Variants in ZFP64 observed in about 807,000 individuals in gnomAD.
ZFP64 encodes zinc finger protein 64.
In ZFP64, 14 loss-of-function variants were observed where a neutral mutation model predicts 51.6. That is an observed-to-expected ratio of 0.27 (90% confidence interval 0.18 to 0.42). The LOEUF is 0.42. ZFP64 is among the 10% of genes least tolerant of loss of function. The probability of loss-of-function intolerance (pLI) is 1.00; values close to 1 mark genes in which losing one functional copy is unlikely to be tolerated. For missense variants in ZFP64, 754 were observed against 906.8 expected (o/e 0.83, Z 2.16); for synonymous variants, 375 against 361.4 (o/e 1.04, Z -0.43).
chr20:52,174,124 G>C (rs1600803227), intron 2 of ZFP64, among the ~76,000 whole-genome samples: 1 of 152,252 alleles, frequency 6.6e-6, no homozygotes, highest in East Asian at 1.9e-4. Context: ...CAGGTGAAGG[G>C]GAGGAGCTCA....
At chr20:52,089,510 G>A (rs1206836448) in intron 7 of ZFP64, among the ~76,000 whole-genome samples, 2 of 152,120 alleles carry the variant, frequency 1.3e-5, no homozygotes, top group Non-Finnish European at 2.9e-5. Flanking sequence ...GGGGGCTGAG[G>A]TGGGTGGATC....
intron 2 of ZFP64, among the ~76,000 whole-genome samples, chr20:52,175,601 G>A (rs1600806306): frequency 6.6e-6 from 1 of 152,282 alleles, no homozygotes; most frequent in East Asian, 1.9e-4. Flanking sequence ...TCCCAGCACT[G>A]TGGGAGCCCG....
chr20:52,090,639 A>C (rs2078914184), intron 7 of ZFP64, among the ~76,000 whole-genome samples: 2 of 151,980 alleles, frequency 1.3e-5, no homozygotes, highest in Admixed American at 6.6e-5. Context: ...TCTCTACTAA[A>C]AATACAAAAA....
At chr20:52,106,349 A>C (rs1355401493) in intron 5 of ZFP64, among the ~76,000 whole-genome samples, 1 of 152,190 alleles carries the variant, frequency 6.6e-6, no homozygotes, top group Non-Finnish European at 1.5e-5. Flanking sequence ...GAGTTACTTA[A>C]GACTGGGTTG....
chr20:52,190,352 A>G (rs1384881920), intron 1 of ZFP64, among the ~76,000 whole-genome samples: 2 of 152,238 alleles, frequency 1.3e-5, no homozygotes, highest in Non-Finnish European at 2.9e-5. Context: ...TGCAAAAGTA[A>G]CGACATAGAC....
At chr20:52,127,050 C>T (rs1360842074) in intron 5 of ZFP64, among the ~76,000 whole-genome samples, 1 of 151,692 alleles carries the variant, frequency 6.6e-6, no homozygotes, top group East Asian at 1.9e-4. Context: ...TTCCCAGGTT[C>T]AAGCAATTCT....
chr20:52,167,020 A>G (rs925297691), intron 2 of ZFP64, among the ~76,000 whole-genome samples: 2 of 152,042 alleles, frequency 1.3e-5, no homozygotes, highest in Non-Finnish European at 2.9e-5. Flanking sequence ...CAAAACACAG[A>G]CTAAATATAA....
At chr20:52,125,621 C>T (rs1196620431) in intron 5 of ZFP64, among the ~76,000 whole-genome samples, 2 of 152,200 alleles carry the variant, frequency 1.3e-5, no homozygotes, top group Admixed American at 6.5e-5. Flanking sequence ...GGTTGTCCAG[C>T]TCCTAGGGCA....
intron 5 of ZFP64, among the ~76,000 whole-genome samples, chr20:52,107,196 TG>T (rs946221299): frequency 8.5e-5 from 13 of 152,088 alleles, no homozygotes; most frequent in Admixed American, 2.6e-4. Flanking sequence ...GAGGGGTGCA[TG>T]GGGGGATGGG....
chr20:52,189,956 G>A (rs1213312830), intron 1 of ZFP64, among the ~76,000 whole-genome samples: 1 of 152,084 alleles, frequency 6.6e-6, no homozygotes, highest in Non-Finnish European at 1.5e-5. Flanking sequence ...CTACCTTTGT[G>A]CATATATGGT....
At chr20:52,156,310 G>C (rs1479349013) in intron 5 of ZFP64, among the ~76,000 whole-genome samples, 1 of 152,202 alleles carries the variant, frequency 6.6e-6, no homozygotes, top group Admixed American at 6.5e-5. Flanking sequence ...CAACCATGTC[G>C]TTGGGTTTGG....
intron 5 of ZFP64, among the ~76,000 whole-genome samples, chr20:52,122,302 C>G (rs370148900): frequency 6.6e-6 from 1 of 152,018 alleles, no homozygotes; most frequent in African/African-American, 2.4e-5. Flanking sequence ...GTCAGGAGAT[C>G]GAGACCATTC....
intron 1 of ZFP64, among the ~76,000 whole-genome samples, chr20:52,187,802 A>C (rs1039260411): frequency 1.3e-5 from 2 of 152,164 alleles, no homozygotes; most frequent in African/African-American, 2.4e-5. Flanking sequence ...CATTGTTTGC[A>C]AGAAAGTTCT....
rs112607797 is a variant in ZFP64, at chr20:52,098,410, G to A, written c.913+28C>T. On this transcript the variant is annotated intron_variant, in intron 6 of 8. Coordinates refer to the ZFP64 transcript ENST00000361387. ...GCAGATCAGTGCTTGGCTCAGAAGCGGCTCAGCACGCAGGGTTTTACTCTT... is the reference window on the plus strand; with the variant it reads ...GCAGATCAGTGCTTGGCTCAGAAGCAGCTCAGCACGCAGGGTTTTACTCTT... 8.0e-4 allele frequency: 1,284 copies of A among 1,611,086 alleles called. 5 individuals are homozygous for A. The African/African-American group carries it at 0.015, about 18-fold the overall frequency.
rs1984362585 is a variant in ZFP64, at chr20:52,191,450, G to A, written c.46+141C>T. The A allele has an allele frequency of 1.8e-6, 2 of 1,111,748 alleles. No homozygotes were observed. The highest frequency in any genetic ancestry group is 2.4e-6 in the Non-Finnish European group (2 of 850,106). 68.9% of individuals were successfully genotyped at this position (1,111,748 alleles called of 1,614,324 possible). A position where few individuals can be genotyped will look rare whatever the true frequency, so the allele number is the denominator to read the frequency against. ...GCCCCCTGCACAGCGCGCCCGCCGC[G>A]GTCCCCGAGACGCGGCTCCGAGCCG... is the stretch of plus-strand genomic sequence containing the variant. On this transcript the variant is annotated intron_variant, in intron 1 of 5. Coordinates refer to ENST00000216923, the MANE Select transcript of ZFP64 (RefSeq NM_018197.3). This position sits in a 1 kb window ranked among gnomAD's most constrained non-coding sequence, Gnocchi z 4.3.
chr20:52,171,833 T>C (rs1568696748), intron 2 of ZFP64, among the ~76,000 whole-genome samples: 2 of 151,688 alleles, frequency 1.3e-5, no homozygotes, highest in Admixed American at 6.6e-5. Flanking sequence ...TTGCAATCTC[T>C]GCCTCCTGGG....
exon 6 of ZFP64, chr20:52,098,539 T>C (rs2079016673): frequency 6.2e-7 from 1 of 1,614,012 alleles, no homozygotes; most frequent in Admixed American, 1.7e-5. Context: ...GTCAGTGCTT[T>C]CAGTGGAGAG....
chr20:52,181,684 G>A (rs1251303395), intron 2 of ZFP64, among the ~76,000 whole-genome samples: 1 of 152,100 alleles, frequency 6.6e-6, no homozygotes, highest in Non-Finnish European at 1.5e-5. Context: ...CTCCAACCTG[G>A]CTGAGATCCG....
In ZFP64 at chr20:52,153,725, C is replaced by A. The variant is rs1981076976; in HGVS notation, c.764-297G>T. Reference sequence around the variant, plus strand: ...AGTATACTTGTTATATTCTTTAAAACACTCAAACTATCTTTCATACAGTTA... The same window carrying A: ...AGTATACTTGTTATATTCTTTAAAAAACTCAAACTATCTTTCATACAGTTA... On this transcript the variant is annotated intron_variant, in intron 5 of 5. Transcript: ENST00000216923. This position sits in a 1 kb window ranked among gnomAD's most constrained non-coding sequence, Gnocchi z 5.1. Among the ~76,000 whole-genome samples, 1 of 152,224 alleles carries A rather than the reference C, an allele frequency of 6.6e-6. No homozygotes were observed. Among genetic ancestry groups the A allele is most frequent in the Non-Finnish European group, 1.5e-5 (1 of 68,044 alleles).
Sources: allele counts gnomAD v4.1 joint callset (sites outside exome capture counted in the v4.1 genomes callset), GRCh38; gene constraint gnomAD v4.1.1; non-coding constraint Gnocchi (gnomAD v3.1); transcripts MANE v1.5; gene names NCBI Gene and HGNC (gene_info 2026-07-23, HGNC 2026-07-21).